Variants in PTPRT observed in about 807,000 individuals in gnomAD.
The protein encoded by PTPRT is receptor-type tyrosine-protein phosphatase T.
In PTPRT, 56 loss-of-function variants were observed where a neutral mutation model predicts 176.8. The ratio of observed to expected loss-of-function variants is 0.32; its 90% CI spans 0.26 to 0.40. The LOEUF (loss-of-function observed/expected upper bound fraction) is 0.40, where lower values mean the gene tolerates loss of function less well. Ranked by LOEUF, PTPRT falls within the 10% of genes least tolerant of loss-of-function variation. The pLI, the probability that PTPRT is intolerant of heterozygous loss-of-function variation, is 1.00. For synonymous variants in PTPRT, 783 were observed against 739.0 expected (o/e 1.06, Z -0.96); for missense variants, 1,540 against 1,908.2 (o/e 0.81, Z 3.60).
intron 13 of PTPRT, among the ~76,000 whole-genome samples, chr20:42,257,213 T>A (rs1473636011): frequency 6.6e-6 from 1 of 152,150 alleles, no homozygotes; most frequent in African/African-American, 2.4e-5. Flanking sequence ...AACTGCAGCT[T>A]GATTTTAGCC....
chr20:43,042,103 G>T (rs1241318257), intron 1 of PTPRT, among the ~76,000 whole-genome samples: 1 of 152,190 alleles, frequency 6.6e-6, no homozygotes, highest in African/African-American at 2.4e-5. Context: ...CTGTGGTGAT[G>T]GTTAGATGGA....
rs62204902 is a variant in PTPRT at position 42,473,312 on chromosome 20, T to C, written c.1154-750A>G. ...CTTGGTCCCAGATCACCATACATAA[T>C]GTTGTCTATGTCTAATTTTATTAGG... is the stretch of plus-strand genomic sequence containing the variant. On this transcript the variant is annotated intron_variant, in intron 7 of 30. Transcript: ENST00000373187. Among the ~76,000 whole-genome samples, 1,205 of 152,290 alleles carry C rather than the reference T, an allele frequency of 7.9e-3. 10 individuals carry two copies. Among genetic ancestry groups the C allele is most frequent in the Middle Eastern group, 0.014 (4 of 292 alleles).
chr20:42,072,831 AGG>A lies in PTPRT; in HGVS notation c.*8046_*8047del, dbSNP rs35984046. ...ACACAGCCATGTTACAAACATTGTC[AGG>A]GAACATTTACAAGAATAAATAAGAT... is the stretch of plus-strand genomic sequence containing the variant. On this transcript the variant is annotated 3_prime_UTR_variant, in exon 31 of 31. Transcript: ENST00000373187. 4.6e-6 allele frequency: 1 copy of A among 218,990 alleles called. No homozygotes were observed. The highest frequency in any genetic ancestry group is 6.7e-5 in the East Asian group (1 of 14,920). 13.6% of individuals were successfully genotyped at this position (218,990 alleles called of 1,614,324 possible). A position where few individuals can be genotyped will look rare whatever the true frequency, so the allele number is the denominator to read the frequency against.
At chr20:42,691,589 C>G (rs1056165851) in intron 6 of PTPRT, among the ~76,000 whole-genome samples, 3 of 152,294 alleles carry the variant, frequency 2.0e-5, no homozygotes, top group Middle Eastern at 3.4e-3. Context: ...ATGACACCCT[C>G]CCTTATGCAA....
chr20:42,106,851 C>A lies in PTPRT; in HGVS notation c.3325G>T (p.Val1109Leu). Residue 1109 changes from valine (V) to leucine (L), a missense_variant, in exon 24 of 31, where the codon GTG becomes TTG. Transcript: ENST00000373187. ...CGCACGCAGTTGAAGATGTCCACCA[C>A]CCCTTCATTCTCGGCCATGTCAAGC... ...TMLDMAENEG[V>L]VDIFNCVREL... is the part of the protein sequence containing the mutation. The A allele has an allele frequency of 6.2e-7, 1 of 1,614,180 alleles. No individual in the cohort carries two copies. Among genetic ancestry groups the A allele is most frequent in the Non-Finnish European group, 8.5e-7 (1 of 1,180,046 alleles).
In PTPRT at chr20:42,930,488, A is replaced by AT. The variant is rs35540626; in HGVS notation, c.89-44557dup. Among the ~76,000 whole-genome samples the AT allele has an allele frequency of 2.8e-3, 419 of 148,256 alleles. 2 individuals carry two copies. The highest frequency in any genetic ancestry group is 9.2e-3 in the African/African-American group (374 of 40,642). The stretch of plus-strand genomic sequence containing the variant: ...TTTTTTACTTATTTCTATTTAATTA[A>AT]TTTTTTTTTTTAGGAATAGGATCTT... On this transcript the variant is annotated intron_variant, in intron 1 of 30. Coordinates refer to ENST00000373187, the MANE Select transcript of PTPRT (RefSeq NM_007050.6).
rs754546663 is a variant in PTPRT at position 42,119,956 on chromosome 20, G to A, written c.2863C>T (p.Arg955Trp). The A allele has an allele frequency of 5.6e-6, 9 of 1,608,586 alleles. No individual in the cohort carries two copies. Among genetic ancestry groups the A allele is most frequent in the African/African-American group, 1.3e-5 (1 of 74,614 alleles). ...TTACCTTGAGTCGCAATGTAGTGCC[G>A]AGGTCGATGGTATCCCTGGATAACA... ...ANYIDGYHRP[R>W]HYIATQGPMQ... is the part of the protein sequence containing the mutation. Residue 955 changes from arginine (R) to tryptophan (W), a missense_variant, in exon 20 of 31, where the codon CGG becomes TGG. This residue lies in a region of PTPRT where 248 missense variants were observed against 356.7 expected (regional missense o/e 0.70). Coordinates refer to ENST00000373187, the MANE Select transcript of PTPRT (RefSeq NM_007050.6).
In PTPRT at chr20:42,223,798, A is replaced by G. The variant is rs572613278; in HGVS notation, c.2342+12431T>C. On this transcript the variant is annotated intron_variant, in intron 15 of 30. Coordinates refer to ENST00000373187, the MANE Select transcript of PTPRT (RefSeq NM_007050.6). The stretch of plus-strand genomic sequence containing the variant: ...AAATCAAAATTGGTATGGGGAAGGA[A>G]GAATGAAATGAAGTATGAAGACTTA... Among the ~76,000 whole-genome samples, 10 of 152,334 alleles carry G rather than the reference A, an allele frequency of 6.6e-5. No individual in the cohort carries two copies. The South Asian group carries it at 2.1e-3, about 32-fold the overall frequency.
intron 7 of PTPRT, among the ~76,000 whole-genome samples, chr20:42,594,406 T>C (rs943468019): frequency 1.3e-5 from 2 of 152,136 alleles, no homozygotes; most frequent in Non-Finnish European, 2.9e-5. Flanking sequence ...TTAGGGCCAA[T>C]ATTTACACTT....
At chr20:43,032,576 G>A (rs1039072026) in intron 1 of PTPRT, among the ~76,000 whole-genome samples, 1 of 151,428 alleles carries the variant, frequency 6.6e-6, no homozygotes. Flanking sequence ...TTTTGTACCT[G>A]TTTATGTTCA....
At chr20:43,091,800 C>A (rs1427522271) in intron 1 of PTPRT, among the ~76,000 whole-genome samples, 1 of 152,130 alleles carries the variant, frequency 6.6e-6, no homozygotes, top group Non-Finnish European at 1.5e-5. Context: ...TAGGAGAGCA[C>A]TTCACAGCGT....
rs117990593 is a variant in PTPRT at position 42,186,269 on chromosome 20, T to C, written c.2491+12971A>G. Among the ~76,000 whole-genome samples, 55 of 152,002 alleles carry C rather than the reference T, an allele frequency of 3.6e-4. 1 individual carries two copies. The East Asian group carries it at 0.01, about 28-fold the overall frequency. Reference sequence around the variant, plus strand: ...TACCATTGTAGTACAAAAGCAACCATAGGAAATGCATGAACAAATAAGCAT... The same window carrying C: ...TACCATTGTAGTACAAAAGCAACCACAGGAAATGCATGAACAAATAAGCAT... On this transcript the variant is annotated intron_variant, in intron 16 of 30. Coordinates refer to ENST00000373187, the MANE Select transcript of PTPRT (RefSeq NM_007050.6).
intron 12 of PTPRT, among the ~76,000 whole-genome samples, chr20:42,310,494 T>C (rs754529990): frequency 6.6e-5 from 10 of 152,330 alleles, no homozygotes; most frequent in South Asian, 4.1e-4. Flanking sequence ...AGACAGAATT[T>C]AGCTCTATAT....
chr20:42,440,369 C>T (rs2059301624), intron 9 of PTPRT, among the ~76,000 whole-genome samples: 1 of 152,100 alleles, frequency 6.6e-6, no homozygotes, highest in Non-Finnish European at 1.5e-5. Context: ...CAAATCCATA[C>T]ATTTATCCAA....
chr20:42,217,424 C>CAG (rs35736158), intron 15 of PTPRT, among the ~76,000 whole-genome samples: 2 of 88,540 alleles, frequency 2.3e-5, no homozygotes, highest in Non-Finnish European at 4.6e-5. Context: ...CACACACACA[C>CAG]AGAACATTAC....
chr20:42,809,004 A>C (rs1324655200), intron 2 of PTPRT, among the ~76,000 whole-genome samples: 1 of 152,154 alleles, frequency 6.6e-6, no homozygotes, highest in Admixed American at 6.5e-5. Context: ...CAGGTGAAGG[A>C]ATCTGGGAAA....
chr20:42,943,277 A>G (rs118063009), intron 1 of PTPRT, among the ~76,000 whole-genome samples: 4,511 of 152,300 alleles, frequency 0.03, 86 homozygotes, highest in Non-Finnish European at 0.046. Context: ...ATATCATCCC[A>G]GGGCAGTAAG....
intron 29 of PTPRT, 58 bp from the exon 30 acceptor site, chr20:42,082,075 A>G: frequency 6.2e-7 from 1 of 1,609,638 alleles, no homozygotes; most frequent in South Asian, 1.1e-5. Context: ...GCACCTGATG[A>G]TTCTAAAGCT....
chr20:42,357,510 C>G (rs927810212), intron 9 of PTPRT, among the ~76,000 whole-genome samples: 1 of 152,150 alleles, frequency 6.6e-6, no homozygotes, highest in African/African-American at 2.4e-5. Flanking sequence ...AATTATAATT[C>G]TAATTTTAGT....
Sources: gnomAD v4.1 joint callset for allele counts (sites outside exome capture counted in the v4.1 genomes callset) on GRCh38, gnomAD v4.1.1 for gene constraint, gnomAD v4.1.1 regional missense constraint, MANE v1.5 for transcripts, NCBI Gene and HGNC (gene_info 2026-07-23, HGNC 2026-07-21) for gene names.